DOCK6: variants seen among roughly 807,000 people sequenced by gnomAD.
The protein encoded by DOCK6 is dedicator of cytokinesis protein 6.
A neutral mutation model predicts 230.3 loss-of-function variants in DOCK6; 167 were observed. The ratio of observed to expected loss-of-function variants is 0.73; its 90% CI spans 0.64 to 0.82. DOCK6 has a LOEUF of 0.82. Ranked by LOEUF, DOCK6 falls within the 40% of genes least tolerant of loss-of-function variation. DOCK6 has a pLI of 0.00. For missense variants in DOCK6, 2,598 were observed against 2,825.8 expected (o/e 0.92, Z 1.83); for synonymous variants, 1,148 against 1,185.0 (o/e 0.97, Z 0.64).
At chr19:11,248,525 C>A (rs2080071068) in intron 6 of DOCK6, among the ~76,000 whole-genome samples, 1 of 152,018 alleles carries the variant, frequency 6.6e-6, no homozygotes, top group Non-Finnish European at 1.5e-5. Context: ...ATTCTCCTGC[C>A]TCAGCCTCCG....
At chr19:11,245,922 G>T in intron 7 of DOCK6, 44 bp from the exon 8 acceptor site, 1 of 1,549,172 alleles carries the variant, frequency 6.5e-7, no homozygotes, top group Non-Finnish European at 8.7e-7. Context: ...AACACTTCCC[G>T]CTGTCCACAC....
chr19:11,230,936 T>C (rs1599246352), intron 22 of DOCK6, among the ~76,000 whole-genome samples: 4 of 152,156 alleles, frequency 2.6e-5, no homozygotes, highest in Non-Finnish European at 5.9e-5. Context: ...CCCTGGGACC[T>C]ACTCTGACAC....
intron 22 of DOCK6, among the ~76,000 whole-genome samples, chr19:11,231,601 C>T (rs1177107728): frequency 6.6e-6 from 1 of 152,134 alleles, no homozygotes; most frequent in Non-Finnish European, 1.5e-5. Flanking sequence ...ATTTTGAGTC[C>T]AAACTGCATC....
In DOCK6 at chr19:11,201,385, T is replaced by C. The variant is rs2079166725; in HGVS notation, c.5689-333A>G. ...TTTCTGGGTCTAGCGTGTCCACGCC[T>C]CTCCTCTCTGGGTCTGGAATCCCTG... On this transcript the variant is annotated intron_variant, in intron 44 of 47. Transcript: ENST00000294618. This position sits in a 1 kb window ranked among gnomAD's most constrained non-coding sequence, Gnocchi z 4.3. Among the ~76,000 whole-genome samples the C allele has an allele frequency of 6.6e-6, 1 of 152,110 alleles. No individual in the cohort carries two copies. The highest frequency in any genetic ancestry group is 2.4e-5 in the African/African-American group (1 of 41,406).
rs2079980603 is a variant in DOCK6 at position 11,243,441 on chromosome 19, A to G, written c.1259-56T>C. 3 of 1,574,250 alleles carry G rather than the reference A, an allele frequency of 1.9e-6. No individual in the cohort carries two copies. Among genetic ancestry groups the G allele is most frequent in the Middle Eastern group, 2.1e-4 (1 of 4,814 alleles). ...GGACCAAGATGAAACAGGGAGACTCAGGGGCGGCACAGTTCGGCCAGCAGA... is the reference window on the plus strand; with the variant it reads ...GGACCAAGATGAAACAGGGAGACTCGGGGGCGGCACAGTTCGGCCAGCAGA... On this transcript the variant is annotated intron_variant, in intron 11 of 47. Coordinates refer to ENST00000294618, the MANE Select transcript of DOCK6 (RefSeq NM_020812.4). This position sits in a 1 kb window ranked among gnomAD's most constrained non-coding sequence, Gnocchi z 6.3.
rs117437635 is a variant in DOCK6, at chr19:11,238,250, G to C, written c.1698C>G (p.Ser566=). Residue 566 remains serine (S), a synonymous_variant, in exon 15 of 48, where the codon TCC becomes TCG. Transcript: ENST00000294618. The stretch of plus-strand genomic sequence containing the variant: ...GCACTCGCACAGCAAGGTTGCGCAC[G>C]GAGCCCTGGCGGCTGCTGAAGTTGA... ...HSLNFSSRQG[S]VRNLAVRVQY... The C allele has an allele frequency of 2.0e-5, 32 of 1,613,178 alleles. No homozygotes were observed. Among genetic ancestry groups the C allele is most frequent in the Middle Eastern group, 1.6e-4 (1 of 6,074 alleles).
intron 28 of DOCK6, among the ~76,000 whole-genome samples, chr19:11,217,802 G>C (rs1352889786): frequency 4.7e-5 from 7 of 150,510 alleles, no homozygotes; most frequent in Non-Finnish European, 1.0e-4. Context: ...CAGTCCCCAA[G>C]AGTGGGTTTC....
Position 11,199,534 on chromosome 19 carries a change from G to A in DOCK6, c.6107C>T (p.Ser2036Phe). The A allele has an allele frequency of 6.3e-7, 1 of 1,579,196 alleles. No individual in the cohort carries two copies. The highest frequency in any genetic ancestry group is 8.6e-7 in the Non-Finnish European group (1 of 1,162,384). ...MAPTPPGLRN[S>F]LNRASFRKAD... The stretch of plus-strand genomic sequence containing the variant: ...CTTTCGGAAACTTGCTCTGTTCAAG[G>A]AGTTCCTGGAAAAAGAATGAGGGTG... Residue 2036 changes from serine (S) to phenylalanine (F), a missense_variant, in exon 48 of 48, where the codon TCC (serine) becomes TTC (phenylalanine). Physicochemically the swap from Ser to Phe is radical, Grantham distance 155 (BLOSUM62 -2). Transcript: ENST00000294618.
intron 1 of DOCK6, among the ~76,000 whole-genome samples, chr19:11,256,231 G>C (rs191433211): frequency 6.6e-6 from 1 of 152,150 alleles, no homozygotes; most frequent in Non-Finnish European, 1.5e-5. Context: ...CTCCAGAACC[G>C]TGGGCACACA....
In DOCK6 at chr19:11,216,598, G is replaced by A. The variant is rs376778446; in HGVS notation, c.3894+316C>T. On this transcript the variant is annotated intron_variant, in intron 30 of 47. Transcript: ENST00000294618. ...ATTATTTTGTATTTTTAGTAGAGACGGGGTTTCAGTATGTTGGCCAGACTG... is the reference window on the plus strand; with the variant it reads ...ATTATTTTGTATTTTTAGTAGAGACAGGGTTTCAGTATGTTGGCCAGACTG... The A allele has an allele frequency of 5.8e-5, 17 of 291,644 alleles. No individual in the cohort carries two copies. The East Asian group carries it at 8.8e-4, about 15-fold the overall frequency. 18.1% of individuals were successfully genotyped at this position (291,644 alleles called of 1,614,324 possible).
intron 30 of DOCK6, 181 bp from the exon 31 acceptor site, chr19:11,216,108 AAC>A: frequency 3.4e-6 from 2 of 587,060 alleles, no homozygotes; most frequent in South Asian, 4.8e-5. Flanking sequence ...TTTTTCTTGA[AAC>A]AGAGTCTCTC....
At chr19:11,206,025 C>T (rs898526116) in intron 39 of DOCK6, 4 of 152,174 alleles carry the variant, frequency 2.6e-5, no homozygotes, top group African/African-American at 9.7e-5. Context: ...CACTGGAACA[C>T]CTGACTTCAA....
rs552369840 is a variant in DOCK6, at chr19:11,252,414, C to T, written c.377+68G>A. Reference sequence around the variant, plus strand: ...ACAATGGGCAGATACACAGTAGGACCGGCTGCAGACATCAGCTCAGCCCTT... The same window carrying T: ...ACAATGGGCAGATACACAGTAGGACTGGCTGCAGACATCAGCTCAGCCCTT... On this transcript the variant is annotated intron_variant, in intron 4 of 47. Transcript: ENST00000294618. 61 of 1,592,372 alleles carry T rather than the reference C, an allele frequency of 3.8e-5. No individual in the cohort carries two copies. In the East Asian group the frequency reaches 8.3e-4, roughly 22 times the overall value.
intron 23 of DOCK6, among the ~76,000 whole-genome samples, chr19:11,227,709 G>A (rs1282046169): frequency 6.6e-6 from 1 of 152,112 alleles, no homozygotes; most frequent in Non-Finnish European, 1.5e-5. Context: ...TGGGGCCTGA[G>A]GGATGTGGGT....
rs1172787400 is a variant in DOCK6 at position 11,222,267 on chromosome 19, A to C, written c.3241-19T>G. The C allele has an allele frequency of 1.3e-6, 2 of 1,586,918 alleles. No individual in the cohort carries two copies. Among genetic ancestry groups the C allele is most frequent in the African/African-American group, 2.7e-5 (2 of 74,372 alleles). On this transcript the variant is annotated intron_variant, in intron 26 of 47. Coordinates refer to ENST00000294618, the MANE Select transcript of DOCK6 (RefSeq NM_020812.4). The surrounding 1 kb of genome is among the most constrained non-coding windows in gnomAD (Gnocchi z 4.0). ...TGGAGCTCTGCAGAGTGGGGGAAAA[A>C]TGGGGGATGCCAGCGGTCAAGGGTC...
At chr19:11,246,363 C>T (rs929527693) in intron 7 of DOCK6, among the ~76,000 whole-genome samples, 3 of 152,156 alleles carry the variant, frequency 2.0e-5, no homozygotes, top group Non-Finnish European at 2.9e-5. Context: ...GCCTCTGCCT[C>T]CCAAAGTGCT....
chr19:11,254,327 C>T (rs6511730), intron 1 of DOCK6, among the ~76,000 whole-genome samples: 107,149 of 152,130 alleles, frequency 0.7, 38,911 homozygotes, highest in East Asian at 0.91. Flanking sequence ...GGGAGGCCTT[C>T]TAAGTAACCC....
intron 16 of DOCK6, 116 bp downstream of exon 16, chr19:11,237,929 A>G: frequency 7.0e-7 from 1 of 1,424,676 alleles, no homozygotes; most frequent in Non-Finnish European, 9.6e-7. Flanking sequence ...GGGAGCCTCT[A>G]CCTCTCTTCT....
chr19:11,258,685 A>G (rs933760596), intron 1 of DOCK6, among the ~76,000 whole-genome samples: 2 of 151,720 alleles, frequency 1.3e-5, no homozygotes, highest in African/African-American at 4.8e-5. Context: ...CGCCCACCTC[A>G]GCCTCCCAAA....
Sources: gnomAD v4.1 joint callset for allele counts (sites outside exome capture counted in the v4.1 genomes callset) on GRCh38, gnomAD v4.1.1 for gene constraint, Gnocchi (gnomAD v3.1) non-coding constraint, MANE v1.5 for transcripts, NCBI Gene and HGNC (gene_info 2026-07-23, HGNC 2026-07-21) for gene names.